Variants in LOX observed in about 807,000 individuals in gnomAD.
LOX encodes the protein lysyl oxidase.
A neutral mutation model predicts 50.5 loss-of-function variants in LOX; 12 were observed. That is an observed-to-expected ratio of 0.24 (90% confidence interval 0.15 to 0.38). The LOEUF (loss-of-function observed/expected upper bound fraction) is 0.38. Among genes scored for constraint, LOX ranks in the 10% least tolerant of loss-of-function variants. LOX has a pLI of 1.00. For synonymous variants in LOX, 254 were observed against 230.6 expected (o/e 1.10, Z -0.92); for missense variants, 504 against 563.8 (o/e 0.89, Z 1.07).
chr5:122,067,994 G>A (rs181834031), intron 6 of LOX, among the ~76,000 whole-genome samples: 8 of 152,082 alleles, frequency 5.3e-5, no homozygotes, highest in Admixed American at 2.0e-4. Context: ...TCCTGAAGGT[G>A]TGGGGTTTTT....
At position 122,066,690 on chromosome 5, in the gene LOX, C is replaced by A; in HGVS notation, c.*53G>T. 1 of 1,497,478 alleles carries A rather than the reference C, an allele frequency of 6.7e-7. No individual in the cohort carries two copies. The highest frequency in any genetic ancestry group is 1.4e-5 in the African/African-American group (1 of 71,926). 92.8% of individuals were successfully genotyped at this position (1,497,478 alleles called of 1,614,324 possible). On this transcript the variant is annotated 3_prime_UTR_variant, in exon 7 of 7. Transcript: ENST00000231004. ...CCTACTGAAGTTAGTCTATTTTTTC[C>A]CACTTCAGAACACCAGGCACTGATT...
chr5:122,064,275 G>A lies in LOX; in HGVS notation c.*2468C>T, dbSNP rs1005205281. On this transcript the variant is annotated 3_prime_UTR_variant, in exon 7 of 7. Transcript: ENST00000231004. Reference sequence around the variant, plus strand: ...TTCATCAACTAATTATTATCTTTGAGTTTCGGCAGTTATTCAGAGAAGAGA... The same window carrying A: ...TTCATCAACTAATTATTATCTTTGAATTTCGGCAGTTATTCAGAGAAGAGA... 8 of 151,764 alleles carry A rather than the reference G, an allele frequency of 5.3e-5. No individual in the cohort carries two copies. The highest frequency in any genetic ancestry group is 1.9e-4 in the African/African-American group (8 of 41,344). The allele number at this position is 151,764 out of a possible 1,614,324, so 9.4% of individuals were successfully genotyped here. A position where few individuals can be genotyped will look rare whatever the true frequency, so the allele number is the denominator to read the frequency against.
chr5:122,069,152 T>C (rs1250638877), intron 6 of LOX, among the ~76,000 whole-genome samples: 2 of 152,180 alleles, frequency 1.3e-5, no homozygotes, highest in African/African-American at 4.8e-5. Context: ...TCCTGGGTTT[T>C]TGTATCAGGC....
intron 4 of LOX, among the ~76,000 whole-genome samples, chr5:122,073,266 C>G (rs530570105): frequency 6.6e-6 from 1 of 152,292 alleles, no homozygotes; most frequent in South Asian, 2.1e-4. Flanking sequence ...TAGATTTTAA[C>G]TGACACGCAT....
In LOX at chr5:122,077,772, G is replaced by C; in HGVS notation, c.214C>G (p.Pro72Ala). ...GCTGCACCAGGGACGGCGGCGCCCGGGTCCCGGCGGCGCTGAGGCTGGTAC... is the reference window on the plus strand; with the variant it reads ...GCTGCACCAGGGACGGCGGCGCCCGCGTCCCGGCGGCGCTGAGGCTGGTAC... ...SQYQPQRRRD[P>A]GAAVPGAANA... is the part of the protein sequence containing the mutation. The change falls in exon 1 of 7, where the codon CCG becomes GCG. Residue 72 changes from proline to alanine, a missense_variant. By Grantham distance (27) the Pro-to-Ala change is conservative. Transcript: ENST00000231004. The surrounding 1 kb of genome is among the most constrained non-coding windows in gnomAD (Gnocchi z 4.9). 1 of 1,549,560 alleles carries C rather than the reference G, an allele frequency of 6.5e-7. No homozygotes were observed. The highest frequency in any genetic ancestry group is 2.4e-5 in the East Asian group (1 of 41,546).
At chr5:122,070,245 C>G in intron 5 of LOX, 77 bp from the exon 6 acceptor site, 1 of 848,116 alleles carries the variant, frequency 1.2e-6, no homozygotes. Flanking sequence ...GAGGACTTAG[C>G]TAAATCAAGC....
At chr5:122,072,133 T>C (rs1754469608) in intron 4 of LOX, among the ~76,000 whole-genome samples, 1 of 152,224 alleles carries the variant, frequency 6.6e-6, no homozygotes, top group African/African-American at 2.4e-5. Flanking sequence ...TTGTAAAGGA[T>C]TCACTGGATT....
intron 2 of LOX, chr5:122,076,200 A>G (rs1169119983): frequency 6.6e-6 from 1 of 152,228 alleles, no homozygotes; most frequent in Non-Finnish European, 1.5e-5. Flanking sequence ...ATGTACAAAT[A>G]AACATCACTG....
In LOX at chr5:122,077,019, A is replaced by G; in HGVS notation, c.632-18T>C. 6.2e-7 allele frequency: 1 copy of G among 1,611,390 alleles called. No individual in the cohort carries two copies. The highest frequency in any genetic ancestry group is 8.5e-7 in the Non-Finnish European group (1 of 1,179,862). ...TGGGAGACCTAAACGTCAGCAGGCG[A>G]CGGGCGCAGCAGTGAAACAACCCGG... is the stretch of plus-strand genomic sequence containing the variant. On this transcript the variant is annotated intron_variant, in intron 1 of 6. Transcript: ENST00000231004. The surrounding 1 kb of genome is among the most constrained non-coding windows in gnomAD (Gnocchi z 4.9).
chr5:122,076,743 C>T (rs769238908), intron 2 of LOX, 150 bp downstream of exon 2: 18 of 630,954 alleles, frequency 2.9e-5, no homozygotes, highest in Non-Finnish European at 5.1e-5. Context: ...CCGTCCAGGT[C>T]AGCATGCCCA....
chr5:122,070,600 C>A lies in LOX; in HGVS notation c.1036-11G>T. 2 of 1,481,274 alleles carry A rather than the reference C, an allele frequency of 1.4e-6. No individual in the cohort carries two copies. Among genetic ancestry groups the A allele is most frequent in the South Asian group, 1.2e-5 (1 of 82,718 alleles). 91.8% of individuals were successfully genotyped at this position (1,481,274 alleles called of 1,614,324 possible). On this transcript the variant is annotated splice_polypyrimidine_tract_variant and intron_variant, in intron 4 of 6. Transcript: ENST00000231004. ...GCCAGGACTCAATCCCTAAGATAAA[C>A]AAAATAAAAAATTTAAAATTATGGT...
chr5:122,072,100 C>CATTAT (rs2152588464), intron 4 of LOX, among the ~76,000 whole-genome samples: 1 of 152,310 alleles, frequency 6.6e-6, no homozygotes, highest in South Asian at 2.1e-4. Flanking sequence ...ATTACTTCTA[C>CATTAT]TACTACCACA....
intron 6 of LOX, among the ~76,000 whole-genome samples, chr5:122,068,174 T>TAAAAAAAAAAA (rs10650287): frequency 1.7e-5 from 2 of 115,896 alleles, no homozygotes. Context: ...TAATAACTAG[T>TAAAAAAAAAAA]AAAAAAAAAA....
rs889818786 is a variant in LOX, at chr5:122,063,256, A to G, written c.*3487T>C. The G allele has an allele frequency of 2.0e-5, 3 of 151,972 alleles. No homozygotes were observed. The highest frequency in any genetic ancestry group is 1.3e-4 in the Admixed American group (2 of 15,204). The allele number at this position is 151,972 out of a possible 1,614,324, so 9.4% of individuals were successfully genotyped here. ...AATCTTGCAATCATAGTATAGATGT[A>G]TAATAAAAGAATATGAGAATGCAAA... On this transcript the variant is annotated 3_prime_UTR_variant, in exon 7 of 7. Transcript: ENST00000231004.
chr5:122,074,258 A>G, intron 3 of LOX, 89 bp from the exon 4 acceptor site: 1 of 1,174,716 alleles, frequency 8.5e-7, no homozygotes, highest in Non-Finnish European at 1.2e-6. Flanking sequence ...TGGCTTCACA[A>G]ATTTGTTTTC....
intron 6 of LOX, 200 bp downstream of exon 6, chr5:122,069,853 A>T: frequency 1.7e-6 from 1 of 577,342 alleles, no homozygotes; most frequent in Non-Finnish European, 3.3e-6. Flanking sequence ...CTTCTCCTGA[A>T]AACTAAAAAC....
At chr5:122,076,351 G>A (rs1754629621) in intron 2 of LOX, among the ~76,000 whole-genome samples, 1 of 152,124 alleles carries the variant, frequency 6.6e-6, no homozygotes, top group South Asian at 2.1e-4. Context: ...CAATCCCAGA[G>A]TTACTATTTT....
chr5:122,069,839 T>G, intron 6 of LOX: 4 of 546,244 alleles, frequency 7.3e-6, no homozygotes, highest in South Asian at 6.4e-5. Flanking sequence ...TCCTGAAAAC[T>G]AAGCTTCTCC....
intron 6 of LOX, among the ~76,000 whole-genome samples, chr5:122,067,025 T>A (rs921953356): frequency 3.9e-5 from 6 of 152,108 alleles, no homozygotes; most frequent in African/African-American, 1.4e-4. Flanking sequence ...CAGCAGGACT[T>A]CTGGGACCAG....
Sources: allele counts gnomAD v4.1 joint callset (sites outside exome capture counted in the v4.1 genomes callset), GRCh38; gene constraint gnomAD v4.1.1; non-coding constraint Gnocchi (gnomAD v3.1); transcripts MANE v1.5; gene names NCBI Gene and HGNC (gene_info 2026-07-23, HGNC 2026-07-21).